The following EPHA6 variants were observed in gnomAD, a reference collection of about 807,000 sequenced individuals.
EPHA6 encodes EPH receptor A6, also known as ephrin type-A receptor 6.
EPHA6 carries 50 observed loss-of-function variants against 112.0 expected under a neutral mutation model. That is an observed-to-expected ratio of 0.45 (90% CI 0.36 to 0.56). The LOEUF (loss-of-function observed/expected upper bound fraction) is 0.56. EPHA6 is among the 20% of genes least tolerant of loss of function. The probability of loss-of-function intolerance (pLI) is 0.00; values close to 1 mark genes in which losing one functional copy is unlikely to be tolerated. For synonymous variants in EPHA6, 529 were observed against 490.7 expected (o/e 1.08, Z -1.03); for missense variants, 1,280 against 1,417.4 (o/e 0.90, Z 1.56).
intron 10 of EPHA6, among the ~76,000 whole-genome samples, chr3:97,510,422 T>G (rs1389342972): frequency 6.6e-6 from 1 of 152,196 alleles, no homozygotes; most frequent in Non-Finnish European, 1.5e-5. Flanking sequence ...TGTTTGTTAG[T>G]TTTCCTTCTA....
intron 2 of EPHA6, among the ~76,000 whole-genome samples, chr3:96,903,378 T>A (rs1310115175): frequency 6.6e-6 from 1 of 152,200 alleles, no homozygotes; most frequent in Non-Finnish European, 1.5e-5. Flanking sequence ...TGTCTACAGA[T>A]CAGGGTTCAT....
intron 3 of EPHA6, among the ~76,000 whole-genome samples, chr3:97,100,373 A>G (rs542194849): frequency 7.2e-4 from 110 of 151,768 alleles, no homozygotes; most frequent in African/African-American, 2.6e-3. Context: ...CAGGCAGACA[A>G]ATTAACAAAG....
intron 2 of EPHA6, among the ~76,000 whole-genome samples, chr3:96,914,502 A>G (rs1048951459): frequency 6.6e-6 from 1 of 152,168 alleles, no homozygotes; most frequent in Non-Finnish European, 1.5e-5. Context: ...AAAAGGCAAA[A>G]TTAATTCCAG....
In EPHA6 at chr3:97,620,025, G is replaced by A. The variant is rs562100147; in HGVS notation, c.2574+9171G>A. 2.6e-5 allele frequency among the ~76,000 whole-genome samples: 4 copies of A among 152,120 alleles called. No homozygotes were observed. In the South Asian group the frequency reaches 6.2e-4, roughly 24 times the overall value. On this transcript the variant is annotated intron_variant, in intron 13 of 17. Transcript: ENST00000389672. ...TACTCAACTTCAAACTATACCATAG[G>A]ACTACAGTGAGCAAAATAGCATGGT... is the stretch of plus-strand genomic sequence containing the variant.
intron 2 of EPHA6, among the ~76,000 whole-genome samples, chr3:96,940,034 AT>A (rs2040844987): frequency 6.6e-6 from 1 of 152,090 alleles, no homozygotes; most frequent in Non-Finnish European, 1.5e-5. Flanking sequence ...TATGTGGTTA[AT>A]TTTGGAATAC....
At chr3:97,354,075 G>A (rs2083944674) in intron 5 of EPHA6, among the ~76,000 whole-genome samples, 1 of 152,142 alleles carries the variant, frequency 6.6e-6, no homozygotes, top group African/African-American at 2.4e-5. Context: ...TACTAGGCTA[G>A]GGGTGACCCC....
chr3:97,162,999 T>C (rs2076452418), intron 3 of EPHA6, among the ~76,000 whole-genome samples: 1 of 152,178 alleles, frequency 6.6e-6, no homozygotes, highest in South Asian at 2.1e-4. Context: ...CAGCCCCTGC[T>C]GCCCTGGAAC....
chr3:97,371,506 C>T (rs2085051912), intron 5 of EPHA6, among the ~76,000 whole-genome samples: 1 of 152,168 alleles, frequency 6.6e-6, no homozygotes, highest in African/African-American at 2.4e-5. Context: ...GCCTGCTTTA[C>T]TTTAATCTCT....
chr3:97,317,672 G>T (rs2081911044), intron 5 of EPHA6, among the ~76,000 whole-genome samples: 1 of 151,694 alleles, frequency 6.6e-6, no homozygotes, highest in African/African-American at 2.4e-5. Context: ...ATTCTATAAT[G>T]ATCTTAGCTA....
At chr3:96,922,028 A>C (rs537741318) in intron 2 of EPHA6, among the ~76,000 whole-genome samples, 1 of 151,392 alleles carries the variant, frequency 6.6e-6, no homozygotes, top group East Asian at 1.9e-4. Context: ...AGTCTACCTT[A>C]ATGTCTAGAG....
chr3:97,700,755 T>G (rs2033335027), intron 14 of EPHA6, among the ~76,000 whole-genome samples: 1 of 152,152 alleles, frequency 6.6e-6, no homozygotes, highest in African/African-American at 2.4e-5. Flanking sequence ...TAAAATTGCC[T>G]TTGATATTAC....
rs2035845855 is a variant in EPHA6, at chr3:97,749,617, A to G, written c.*916A>G. Among the ~76,000 whole-genome samples the G allele has an allele frequency of 6.6e-6, 1 of 152,220 alleles. No individual in the cohort carries two copies. Reference sequence around the variant, plus strand: ...ACAAGTTTGCAAAAGCAATTATCAAAGCACTGAGAAAATTGGTCATTCTCA... The same window carrying G: ...ACAAGTTTGCAAAAGCAATTATCAAGGCACTGAGAAAATTGGTCATTCTCA... On this transcript the variant is annotated 3_prime_UTR_variant, in exon 18 of 18. Coordinates refer to ENST00000389672, the MANE Select transcript of EPHA6 (RefSeq NM_001080448.3).
At chr3:97,608,665 C>T (rs1220301452) in intron 12 of EPHA6, among the ~76,000 whole-genome samples, 1 of 150,920 alleles carries the variant, frequency 6.6e-6, no homozygotes, top group African/African-American at 2.4e-5. Context: ...GAGAGAGAAG[C>T]AAATTGGGAG....
intron 10 of EPHA6, among the ~76,000 whole-genome samples, chr3:97,484,606 G>A (rs531388746): frequency 3.1e-4 from 47 of 152,280 alleles, no homozygotes; most frequent in Middle Eastern, 3.4e-3. Context: ...AGGAATTTAT[G>A]CTGTACATTA....
chr3:97,437,617 G>T (rs1181773505), intron 6 of EPHA6, among the ~76,000 whole-genome samples: 1 of 152,058 alleles, frequency 6.6e-6, no homozygotes, highest in Non-Finnish European at 1.5e-5. Flanking sequence ...GCAGGAATTT[G>T]TAAACTCTTC....
intron 3 of EPHA6, among the ~76,000 whole-genome samples, chr3:97,004,626 C>T (rs749767681): frequency 2.0e-5 from 3 of 152,128 alleles, no homozygotes; most frequent in Admixed American, 2.0e-4. Context: ...TTTTGCTGTT[C>T]AGAAGCTCTT....
intron 14 of EPHA6, among the ~76,000 whole-genome samples, chr3:97,691,148 A>G (rs2032638902): frequency 6.6e-6 from 1 of 152,180 alleles, no homozygotes; most frequent in Non-Finnish European, 1.5e-5. Context: ...ATTTTCTTCT[A>G]TTGCATATGG....
At chr3:97,642,972 C>T (rs376987938) in intron 14 of EPHA6, among the ~76,000 whole-genome samples, 10 of 150,318 alleles carry the variant, frequency 6.7e-5, no homozygotes, top group South Asian at 2.1e-4. Flanking sequence ...GAAGAGCAAC[C>T]CCAAGACACA....
intron 3 of EPHA6, among the ~76,000 whole-genome samples, chr3:97,013,249 G>A (rs1485364878): frequency 6.6e-6 from 1 of 151,912 alleles, no homozygotes; most frequent in Non-Finnish European, 1.5e-5. Context: ...AAATGTGCTT[G>A]TTTAAAAAAG....
Sources: gnomAD v4.1 joint callset for allele counts (sites outside exome capture counted in the v4.1 genomes callset) on GRCh38, gnomAD v4.1.1 for gene constraint, MANE v1.5 for transcripts, NCBI Gene and HGNC (gene_info 2026-07-23, HGNC 2026-07-21) for gene names.